The following ATP6V1A variants were observed in gnomAD, a reference collection of about 807,000 sequenced individuals.
The protein encoded by ATP6V1A is ATPase H+ transporting V1 subunit A.
Under a neutral mutation model 70.1 loss-of-function variants are expected in ATP6V1A, and 18 were observed. The observed-to-expected ratio is 0.26, with a 90% confidence interval of 0.18 to 0.38. The LOEUF is 0.38. Among genes scored for constraint, ATP6V1A ranks in the 10% least tolerant of loss-of-function variants. The pLI is 1.00. For missense variants in ATP6V1A, 424 were observed against 772.4 expected, an observed-to-expected ratio of 0.55 and a Z score of 5.35; for synonymous variants, 232 against 253.8, an observed-to-expected ratio of 0.91 and a Z score of 0.82.
At chr3:113,777,038 CTT>C (rs1451683643) in intron 1 of ATP6V1A, among the ~76,000 whole-genome samples, 1 of 152,152 alleles carries the variant, frequency 6.6e-6, no homozygotes, top group Non-Finnish European at 1.5e-5. Flanking sequence ...ATCTATGACT[CTT>C]TGTGGTTAAT....
intron 1 of ATP6V1A, among the ~76,000 whole-genome samples, chr3:113,755,431 C>CA (rs1184456240): frequency 0.032 from 1,200 of 37,980 alleles, 12 homozygotes; most frequent in South Asian, 0.13. Context: ...CATGTCTGTA[C>CA]AAAAAAAAAA....
intron 1 of ATP6V1A, among the ~76,000 whole-genome samples, chr3:113,778,380 T>G (rs1186623526): frequency 6.6e-6 from 1 of 150,936 alleles, no homozygotes; most frequent in African/African-American, 2.4e-5. Flanking sequence ...GGTGGTGGAG[T>G]TAGACTCTGT....
chr3:113,804,689 C>T (rs1445845754), intron 13 of ATP6V1A, among the ~76,000 whole-genome samples: 3 of 152,122 alleles, frequency 2.0e-5, no homozygotes, highest in Admixed American at 6.5e-5. Flanking sequence ...TTCTAGGAAC[C>T]ACCTACACAA....
At chr3:113,764,453 AAATT>A (rs1481144817) in intron 1 of ATP6V1A, among the ~76,000 whole-genome samples, 8 of 152,226 alleles carry the variant, frequency 5.3e-5, no homozygotes, top group African/African-American at 1.4e-4. Context: ...TATGTAAAAA[AAATT>A]AATTGGGAAA....
At chr3:113,771,330 A>G (rs374134350) in intron 1 of ATP6V1A, among the ~76,000 whole-genome samples, 17 of 151,392 alleles carry the variant, frequency 1.1e-4, no homozygotes, top group Admixed American at 8.6e-4. Flanking sequence ...CCAAAATGCT[A>G]TATGTTTAGC....
chr3:113,765,529 C>T (rs887400495), intron 1 of ATP6V1A, among the ~76,000 whole-genome samples: 7 of 151,286 alleles, frequency 4.6e-5, no homozygotes, highest in Admixed American at 1.3e-4. Context: ...AGCTTAAATC[C>T]GGGAGGTGGA....
At chr3:113,759,807 C>T (rs1024976846) in intron 1 of ATP6V1A, among the ~76,000 whole-genome samples, 6 of 152,216 alleles carry the variant, frequency 3.9e-5, no homozygotes, top group African/African-American at 1.4e-4. Flanking sequence ...TTTCCCCCCA[C>T]ACCCTTGCCA....
intron 1 of ATP6V1A, among the ~76,000 whole-genome samples, chr3:113,752,566 G>T (rs1708599638): frequency 6.6e-6 from 1 of 151,886 alleles, no homozygotes. Context: ...TAACTACTTG[G>T]ATATCTTAAG....
At chr3:113,801,793 A>G (rs570562661) in intron 12 of ATP6V1A, among the ~76,000 whole-genome samples, 86 of 152,322 alleles carry the variant, frequency 5.6e-4, no homozygotes, top group African/African-American at 1.9e-3. Flanking sequence ...GAAGTTTTAC[A>G]TAATTAAAGA....
intron 12 of ATP6V1A, chr3:113,802,733 A>C (rs1186710863): frequency 6.6e-6 from 1 of 152,218 alleles, no homozygotes; most frequent in African/African-American, 2.4e-5. Context: ...ATCTTAGCTC[A>C]CTGCAACCTC....
At chr3:113,764,998 GAA>G (rs36088874) in intron 1 of ATP6V1A, among the ~76,000 whole-genome samples, 19 of 113,450 alleles carry the variant, frequency 1.7e-4, no homozygotes, top group South Asian at 3.0e-4. Flanking sequence ...TGTCTTAATT[GAA>G]AAAAAAAAAA....
intron 1 of ATP6V1A, among the ~76,000 whole-genome samples, chr3:113,757,518 A>G (rs1165503115): frequency 6.6e-6 from 1 of 152,226 alleles, no homozygotes; most frequent in Non-Finnish European, 1.5e-5. Flanking sequence ...TGTGTTCAAG[A>G]TGGAGTTAAT....
At chr3:113,781,010 A>G (rs936381879) in intron 2 of ATP6V1A, 40 bp from the exon 3 acceptor site, 5 of 1,562,146 alleles carry the variant, frequency 3.2e-6, no homozygotes, top group Non-Finnish European at 4.3e-6. Flanking sequence ...ACAGAGCACT[A>G]GAGTCTTAAG....
chr3:113,753,603 T>C (rs1708613817), intron 1 of ATP6V1A, among the ~76,000 whole-genome samples: 1 of 152,116 alleles, frequency 6.6e-6, no homozygotes, highest in Non-Finnish European at 1.5e-5. Context: ...TTTTATGGAA[T>C]GTTGTGAAGT....
chr3:113,778,093 C>T (rs1345933082), intron 1 of ATP6V1A, among the ~76,000 whole-genome samples: 1 of 152,080 alleles, frequency 6.6e-6, no homozygotes, highest in Non-Finnish European at 1.5e-5. Flanking sequence ...CTTTTAACTA[C>T]ATTTTAGGAA....
At chr3:113,759,214 A>G (rs971486642) in intron 1 of ATP6V1A, among the ~76,000 whole-genome samples, 66 of 151,284 alleles carry the variant, frequency 4.4e-4, no homozygotes, top group African/African-American at 1.5e-3. Context: ...CAAGGTCACA[A>G]AGGAAGTTTT....
At chr3:113,763,830 A>G (rs1235570296) in intron 1 of ATP6V1A, among the ~76,000 whole-genome samples, 2 of 150,208 alleles carry the variant, frequency 1.3e-5, no homozygotes, top group African/African-American at 4.9e-5. Context: ...TAGGTGAAAT[A>G]TGGTGTTAAC....
chr3:113,750,150 A>G (rs1708569604), intron 1 of ATP6V1A, among the ~76,000 whole-genome samples: 1 of 152,210 alleles, frequency 6.6e-6, no homozygotes, highest in Non-Finnish European at 1.5e-5. Flanking sequence ...CAGGTTTGAT[A>G]CTTAGGAACC....
intron 8 of ATP6V1A, among the ~76,000 whole-genome samples, chr3:113,791,582 A>T (rs1709092944): frequency 6.6e-6 from 1 of 152,134 alleles, no homozygotes; most frequent in African/African-American, 2.4e-5. Context: ...ACTGTGTACC[A>T]GGGTAGCAGG....
Sources: allele counts gnomAD v4.1 joint callset (sites outside exome capture counted in the v4.1 genomes callset), GRCh38; gene constraint gnomAD v4.1.1; transcripts MANE v1.5; gene names NCBI Gene and HGNC (gene_info 2026-07-23, HGNC 2026-07-21).